The following IREB2 variants were observed in gnomAD, a reference collection of about 807,000 sequenced individuals.
The protein encoded by IREB2 is iron responsive element binding protein 2.
In IREB2, 39 loss-of-function variants were observed where a neutral mutation model predicts 118.8. The observed-to-expected ratio is 0.33, with a 90% CI of 0.25 to 0.43. The LOEUF (loss-of-function observed/expected upper bound fraction) is 0.43. Ranked by LOEUF, IREB2 falls within the 20% of genes least tolerant of loss-of-function variation. IREB2 has a pLI of 1.00. For synonymous variants in IREB2, 372 were observed against 392.2 expected (o/e 0.95, Z 0.61); for missense variants, 900 against 1,147.3 (o/e 0.78, Z 3.11).
chr15:78,494,150 A>G lies in IREB2; in HGVS notation c.2481A>G (p.Val827=). The G allele has an allele frequency of 1.2e-6, 2 of 1,613,844 alleles. No homozygotes were observed. The highest frequency in any genetic ancestry group is 1.7e-6 in the Non-Finnish European group (2 of 1,179,918). The change falls in exon 20 of 22, where the codon GTA becomes GTG. Residue 827 remains valine, a synonymous_variant. Coordinates refer to ENST00000258886, the MANE Select transcript of IREB2 (RefSeq NM_004136.4). ...TTTGTTTTAATCTACAGCTAGATGT[A>G]TTTGAGGCTGCAGAGCTGTACCAGA... ...IHFPSGQTLD[V]FEAAELYQKE... is the part of the protein sequence containing the mutation.
In IREB2 at chr15:78,500,289, T is replaced by C. The variant is rs2051918446; in HGVS notation, c.*2146T>C. On this transcript the variant is annotated 3_prime_UTR_variant, in exon 22 of 22. Transcript: ENST00000258886. Reference sequence around the variant, plus strand: ...ATATCCAGTCTACCTGGTCCAGTAATAATACAAGCAAATCTTGTATTTCAG... The same window carrying C: ...ATATCCAGTCTACCTGGTCCAGTAACAATACAAGCAAATCTTGTATTTCAG... 6.6e-6 allele frequency: 1 copy of C among 152,204 alleles called. No homozygotes were observed. 9.4% of individuals were successfully genotyped at this position (152,204 alleles called of 1,614,324 possible). A position where few individuals can be genotyped will look rare whatever the true frequency, so the allele number is the denominator to read the frequency against.
Position 78,500,482 on chromosome 15 carries a change from A to C in IREB2, c.*2339A>C, listed in dbSNP as rs899565180. On this transcript the variant is annotated 3_prime_UTR_variant, in exon 22 of 22. Coordinates refer to ENST00000258886, the MANE Select transcript of IREB2 (RefSeq NM_004136.4). ...ATGTTTGCAAAATGTGGCATCTGTT[A>C]GTTTTTATTGTCTGTGTCTTCTTTG... 1 of 147,424 alleles carries C rather than the reference A, an allele frequency of 6.8e-6. No homozygotes were observed. The highest frequency in any genetic ancestry group is 1.5e-5 in the Non-Finnish European group (1 of 67,400). The allele number at this position is 147,424 out of a possible 1,614,324, so 9.1% of individuals were successfully genotyped here. A position where few individuals can be genotyped will look rare whatever the true frequency, so the allele number is the denominator to read the frequency against.
At chr15:78,450,685 A>G (rs181443749) in intron 2 of IREB2, among the ~76,000 whole-genome samples, 1 of 152,192 alleles carries the variant, frequency 6.6e-6, no homozygotes, top group African/African-American at 2.4e-5. Context: ...GATGTAGTCC[A>G]CGTGCTGTCA....
In IREB2 at chr15:78,490,492, C is replaced by T. The variant is rs1455898201; in HGVS notation, c.2147C>T (p.Thr716Ile). The T allele has an allele frequency of 2.5e-6, 4 of 1,608,442 alleles. No homozygotes were observed. The highest frequency in any genetic ancestry group is 3.4e-6 in the Non-Finnish European group (4 of 1,178,302). ...TTGTTTCCATGGGACTTAAAGTCTA[C>T]TTATATCAGATGCCCTTCATTTTTT... ...SVLFPWDLKSTYIRCPSFFDK... is the reference protein window; with the variant it reads ...SVLFPWDLKSIYIRCPSFFDK... The change falls in exon 17 of 22, where the codon ACT becomes ATT. Residue 716 changes from threonine (T) to isoleucine (I), a missense_variant. By Grantham distance (89) the Thr-to-Ile change is moderately conservative (BLOSUM62 -1). Transcript: ENST00000258886.
In IREB2 at chr15:78,478,352, G is replaced by T. The variant is rs755852181; in HGVS notation, c.1251G>T (p.Leu417Phe). 3.7e-6 allele frequency: 6 copies of T among 1,613,582 alleles called. No homozygotes were observed. The highest frequency in any genetic ancestry group is 5.1e-6 in the Non-Finnish European group (6 of 1,179,554). Reference protein sequence around the residue: ...SMETYLKAVKLFRNDQNSSGE... With the variant: ...SMETYLKAVKFFRNDQNSSGE... Reference sequence around the variant, plus strand: ...AAACATACCTTAAAGCTGTGAAATTGTTTCGAAATGACCAGAATTCTTCAG... The same window carrying T: ...AAACATACCTTAAAGCTGTGAAATTTTTTCGAAATGACCAGAATTCTTCAG... The change falls in exon 10 of 22, where the codon TTG becomes TTT. Residue 417 changes from leucine to phenylalanine, a missense_variant. Leu to Phe is a conservative substitution (Grantham distance 22, BLOSUM62 0). Coordinates refer to ENST00000258886, the MANE Select transcript of IREB2 (RefSeq NM_004136.4).
chr15:78,438,740 G>C, intron 1 of IREB2: 1 of 314,014 alleles, frequency 3.2e-6, no homozygotes. Flanking sequence ...GCGGGGGCCT[G>C]CGTCTCCGTG....
At chr15:78,439,493 T>C (rs1402373801) in intron 1 of IREB2, among the ~76,000 whole-genome samples, 1 of 152,228 alleles carries the variant, frequency 6.6e-6, no homozygotes, top group East Asian at 1.9e-4. Flanking sequence ...ATTATCTTAC[T>C]AGTTTTTACT....
chr15:78,495,397 C>T (rs763895197), intron 20 of IREB2, among the ~76,000 whole-genome samples: 5 of 152,048 alleles, frequency 3.3e-5, no homozygotes, highest in Non-Finnish European at 7.4e-5. Context: ...CTTGGCCCTC[C>T]ATTTGTTAGA....
intron 2 of IREB2, among the ~76,000 whole-genome samples, chr15:78,446,809 G>A (rs186301859): frequency 3.4e-4 from 52 of 152,152 alleles, no homozygotes; most frequent in Middle Eastern, 3.4e-3. Context: ...ACAGGCCACC[G>A]AGAACTGTAG....
chr15:78,451,790 C>T (rs1239473958), intron 2 of IREB2, among the ~76,000 whole-genome samples: 1 of 151,976 alleles, frequency 6.6e-6, no homozygotes, highest in Non-Finnish European at 1.5e-5. Flanking sequence ...CTAGTTCAAG[C>T]GATTCTCCTG....
intron 10 of IREB2, 78 bp downstream of exon 10, chr15:78,478,475 G>C: frequency 3.4e-6 from 3 of 877,226 alleles, no homozygotes; most frequent in Non-Finnish European, 5.6e-6. Context: ...GGTTGGGGTG[G>C]GTTGATTGTT....
Position 78,483,438 on chromosome 15 carries a change from G to T in IREB2, c.1413+4G>T, listed in dbSNP as rs536661253. On this transcript the variant is annotated splice_donor_region_variant and intron_variant, in intron 11 of 21. Transcript: ENST00000258886. ...CCAGGCTTGCTTAAATGAAAAGGTAGGTTACTTTATTCTTATCCGTGTTTT... is the reference window on the plus strand; with the variant it reads ...CCAGGCTTGCTTAAATGAAAAGGTATGTTACTTTATTCTTATCCGTGTTTT... 1.4e-5 allele frequency: 21 copies of T among 1,479,514 alleles called. No individual in the cohort carries two copies. Among genetic ancestry groups the T allele is most frequent in the Non-Finnish European group, 1.9e-5 (20 of 1,057,754 alleles). The allele number at this position is 1,479,514 out of a possible 1,614,324, so 91.6% of individuals were successfully genotyped here. A position where few individuals can be genotyped will look rare whatever the true frequency, so the allele number is the denominator to read the frequency against.
intron 7 of IREB2, among the ~76,000 whole-genome samples, 166 bp from the exon 8 acceptor site, chr15:78,473,076 A>G (rs2051406581): frequency 6.6e-6 from 1 of 152,200 alleles, no homozygotes; most frequent in African/African-American, 2.4e-5. Context: ...GAGTGGAATC[A>G]TTTCTTTTGG....
intron 5 of IREB2, among the ~76,000 whole-genome samples, chr15:78,469,579 C>T (rs147442887): frequency 6.6e-4 from 101 of 151,998 alleles, no homozygotes; most frequent in Non-Finnish European, 1.2e-3. Context: ...CAAAATTAGC[C>T]GGGTGTGGTG....
intron 3 of IREB2, 136 bp from the exon 4 acceptor site, chr15:78,465,115 A>T: frequency 1.5e-6 from 1 of 685,610 alleles, no homozygotes; most frequent in Non-Finnish European, 2.3e-6. Flanking sequence ...CTCCTAACTT[A>T]TAAAGTACAT....
chr15:78,483,123 ATGT>A (rs1184352614), intron 10 of IREB2, among the ~76,000 whole-genome samples, 192 bp from the exon 11 acceptor site: 3 of 152,120 alleles, frequency 2.0e-5, no homozygotes, highest in Non-Finnish European at 4.4e-5. Context: ...GCAAATTTTC[ATGT>A]TTCGTACATT....
At chr15:78,437,563 G>A (rs542669748), upstream of IREB2, 2 of 152,720 alleles carry the variant, frequency 1.3e-5, no homozygotes, top group Admixed American at 6.5e-5. Flanking sequence ...GGAGAGCCGA[G>A]TATGAGCGAC....
intron 18 of IREB2, among the ~76,000 whole-genome samples, chr15:78,491,442 TTGAG>T (rs1704113171): frequency 6.6e-6 from 1 of 152,160 alleles, no homozygotes; most frequent in African/African-American, 2.4e-5. Context: ...TGTTTGATGC[TTGAG>T]TAATTAAAAT....
At chr15:78,495,564 A>G (rs2141531800) in intron 20 of IREB2, among the ~76,000 whole-genome samples, 1 of 152,272 alleles carries the variant, frequency 6.6e-6, no homozygotes, top group South Asian at 2.1e-4. Flanking sequence ...TCTTGAAGGA[A>G]AGAGACTCGT....
Sources: allele counts gnomAD v4.1 joint callset (sites outside exome capture counted in the v4.1 genomes callset), GRCh38; gene constraint gnomAD v4.1.1; transcripts MANE v1.5; gene names NCBI Gene and HGNC (gene_info 2026-07-23, HGNC 2026-07-21).